GATA2: variants seen among roughly 807,000 people sequenced by gnomAD.
GATA2 encodes GATA binding protein 2.
A neutral mutation model predicts 35.7 loss-of-function variants in GATA2; 6 were observed. That is an observed-to-expected ratio of 0.17 (90% CI 0.09 to 0.33). GATA2 has a LOEUF of 0.33. Among genes scored for constraint, GATA2 ranks in the 10% least tolerant of loss-of-function variants. GATA2 has a pLI of 1.00. For missense variants in GATA2, 541 were observed against 656.6 expected (o/e 0.82, Z 1.92); for synonymous variants, 313 against 274.9 (o/e 1.14, Z -1.37).
Position 128,480,777 on chromosome 3 carries a change from T to G in GATA2, c.*242A>C. 1 of 511,922 alleles carries G rather than the reference T, an allele frequency of 2.0e-6. No homozygotes were observed. The highest frequency in any genetic ancestry group is 3.4e-6 in the Non-Finnish European group (1 of 292,424). 31.7% of individuals were successfully genotyped at this position (511,922 alleles called of 1,614,324 possible). On this transcript the variant is annotated 3_prime_UTR_variant, in exon 6 of 6. Transcript: ENST00000341105. The stretch of plus-strand genomic sequence containing the variant: ...CTCTACATAAAGTTGTCCTTGTTGT[T>G]CTCCAAACAACTGTCCATGCAGGAA...
Position 128,487,080 on chromosome 3 carries a change from C to A in GATA2, c.-45-4G>T, listed in dbSNP as rs1396755815. On this transcript the variant is annotated splice_region_variant and splice_polypyrimidine_tract_variant and intron_variant, in intron 1 of 5. Transcript: ENST00000341105. ...CTGGGTGCAGACGGCAACGGCCCTG[C>A]GCGAGGAAGGGGGAGTGAGGCGTGC... is the stretch of plus-strand genomic sequence containing the variant. The A allele has an allele frequency of 2.7e-6, 4 of 1,466,962 alleles. No homozygotes were observed. Among genetic ancestry groups the A allele is most frequent in the East Asian group, 2.5e-5 (1 of 40,400 alleles). The allele number at this position is 1,466,962 out of a possible 1,614,324, so 90.9% of individuals were successfully genotyped here. A position where few individuals can be genotyped will look rare whatever the true frequency, so the allele number is the denominator to read the frequency against.
At chr3:128,481,406 TCAAGCTGA>T in intron 5 of GATA2, 88 bp from the exon 6 acceptor site, 1 of 1,451,128 alleles carries the variant, frequency 6.9e-7, no homozygotes. Context: ...CAGAGGCAGG[TCAAGCTGA>T]GGGTCCCAGG....
intron 2 of GATA2, 53 bp from the exon 3 acceptor site, chr3:128,486,421 G>C: frequency 3.8e-6 from 6 of 1,568,006 alleles, no homozygotes; most frequent in Non-Finnish European, 5.1e-6. Context: ...AGGGTAGGCA[G>C]AGCTAGGGAC....
chr3:128,489,986 G>A (rs2068752437), intron 1 of GATA2: 1 of 152,262 alleles, frequency 6.6e-6, no homozygotes, highest in Admixed American at 6.5e-5. Flanking sequence ...GTGAACGCCA[G>A]GACCGAGCGG....
intron 2 of GATA2, among the ~76,000 whole-genome samples, 169 bp downstream of exon 2, chr3:128,486,634 G>C (rs1301209968): frequency 6.6e-6 from 1 of 152,152 alleles, no homozygotes; most frequent in East Asian, 1.9e-4. Context: ...AACCCTGTGG[G>C]TCCCAGACCC....
intron 1 of GATA2, chr3:128,487,936 A>G (rs1191164117): frequency 6.6e-6 from 1 of 152,232 alleles, no homozygotes; most frequent in Non-Finnish European, 1.5e-5. Context: ...ACAGACATGA[A>G]GCGGGGGCCG....
intron 2 of GATA2, 26 bp from the exon 3 acceptor site, chr3:128,486,394 G>A: frequency 6.3e-7 from 1 of 1,589,952 alleles, no homozygotes; most frequent in Non-Finnish European, 8.5e-7. Context: ...GAGAGGATCA[G>A]GGTGGGCAGA....
intron 1 of GATA2, among the ~76,000 whole-genome samples, chr3:128,487,395 C>T (rs146482870): frequency 3.6e-4 from 55 of 152,270 alleles, no homozygotes; most frequent in African/African-American, 1.1e-3. Flanking sequence ...CACACTGAGC[C>T]CCCCCGCCCG....
Position 128,481,091 on chromosome 3 carries a change from C to G in GATA2, c.1371G>C (p.Thr457=), listed in dbSNP as rs763539605. 2 of 1,610,310 alleles carry G rather than the reference C, an allele frequency of 1.2e-6. No homozygotes were observed. Among genetic ancestry groups the G allele is most frequent in the Non-Finnish European group, 1.7e-6 (2 of 1,177,474 alleles). Residue 457 remains threonine (T), a synonymous_variant, in exon 6 of 6, where the codon ACG becomes ACC. Coordinates refer to ENST00000341105, the MANE Select transcript of GATA2 (RefSeq NM_032638.5). The stretch of plus-strand genomic sequence containing the variant: ...AGAGGCTGGAGGAGGGGTGGATGGG[C>G]GTCGGAGTGGGCAGGATGTGTCCGG... ...SHSGHILPTP[T]PIHPSSSLSF...
intron 1 of GATA2, chr3:128,489,077 C>G (rs1359879530): frequency 6.6e-6 from 1 of 152,110 alleles, no homozygotes; most frequent in African/African-American, 2.4e-5. Flanking sequence ...GGGTCCCGGC[C>G]ACCCCCGGGA....
At chr3:128,487,933 T>A (rs1428042014) in intron 1 of GATA2, 3 of 152,194 alleles carry the variant, frequency 2.0e-5, no homozygotes, top group East Asian at 1.9e-4. Flanking sequence ...TGCACAGACA[T>A]GAAGCGGGGG....
At chr3:128,487,660 A>C (rs1307276576) in intron 1 of GATA2, 1 of 152,648 alleles carries the variant, frequency 6.6e-6, no homozygotes, top group Non-Finnish European at 1.5e-5. Context: ...GAGTCCCCTC[A>C]AAGCTAGGAG....
chr3:128,487,782 G>A (rs1221985804), intron 1 of GATA2: 1 of 152,402 alleles, frequency 6.6e-6, no homozygotes, highest in Non-Finnish European at 1.5e-5. Flanking sequence ...CCCCGAGGGC[G>A]ACGGGCCCAG....
At position 128,480,017 on chromosome 3, in the gene GATA2, C is replaced by A. The variant is rs977325610; in HGVS notation, c.*1002G>T. 7 of 232,958 alleles carry A rather than the reference C, an allele frequency of 3.0e-5. No individual in the cohort carries two copies. The South Asian group carries it at 1.1e-3, about 36-fold the overall frequency. The allele number at this position is 232,958 out of a possible 1,614,324, so 14.4% of individuals were successfully genotyped here. Reference sequence around the variant, plus strand: ...GGGCTGTGGGATCCCAGCTCTTTTCCAAAAAGAATTGCAAAGCTCCAACCT... The same window carrying A: ...GGGCTGTGGGATCCCAGCTCTTTTCAAAAAAGAATTGCAAAGCTCCAACCT... On this transcript the variant is annotated 3_prime_UTR_variant, in exon 6 of 6. Coordinates refer to ENST00000341105, the MANE Select transcript of GATA2 (RefSeq NM_032638.5).
rs1060500090 is a variant in GATA2 at position 128,485,843 on chromosome 3, T to C, written c.755A>G (p.Tyr252Cys). The C allele has an allele frequency of 3.1e-6, 5 of 1,613,668 alleles. No individual in the cohort carries two copies. In the African/African-American group the frequency reaches 6.7e-5, roughly 22 times the overall value. Residue 252 changes from tyrosine (Y) to cysteine (C), a missense_variant, in exon 3 of 6, where the codon TAT becomes TGT. This residue lies in a region of GATA2 where 389 missense variants were observed against 396.9 expected (regional missense o/e 0.98). Transcript: ENST00000341105. ...GTAGTCGTGGGCAGCCGCCGGCACA[T>C]AGGAGGGGTAGGTGGGGATGGGGTG... ...THHPIPTYPS[Y>C]VPAAAHDYSS...
chr3:128,486,603 G>A (rs2068703038), intron 2 of GATA2, among the ~76,000 whole-genome samples, 200 bp downstream of exon 2: 1 of 152,140 alleles, frequency 6.6e-6, no homozygotes, highest in Admixed American at 6.5e-5. Context: ...AACCCTCACA[G>A]GCCAGCTGGA....
rs909675639 is a variant in GATA2, at chr3:128,481,180, A to T, written c.1282T>A (p.Phe428Ile). 6.2e-7 allele frequency: 1 copy of T among 1,614,182 alleles called. No individual in the cohort carries two copies. Among genetic ancestry groups the T allele is most frequent in the Admixed American group, 1.7e-5 (1 of 60,034 alleles). ...SKCMQEKSSP[F>I]SAAALAGHMA... ...TGTCCAGCCAGGGCAGCTGCACTGA[A>T]GGGGGATGACTTCTCCTGCATGCAC... Residue 428 changes from phenylalanine (F) to isoleucine (I), a missense_variant, in exon 6 of 6, where the codon TTC becomes ATC. This residue lies in a region of GATA2 where 95 missense variants were observed against 114.0 expected (regional missense o/e 0.83). Transcript: ENST00000341105.
At chr3:128,491,157 C>T (rs1440578559) in intron 1 of GATA2, among the ~76,000 whole-genome samples, 1 of 151,094 alleles carries the variant, frequency 6.6e-6, no homozygotes, top group Non-Finnish European at 1.5e-5. Context: ...TCTACTAAGC[C>T]GCGGGTGCCA....
In GATA2 at chr3:128,481,456, C is replaced by T. The variant is rs574298967; in HGVS notation, c.1144-138G>A. The T allele has an allele frequency of 2.4e-5, 23 of 966,382 alleles. No homozygotes were observed. The Admixed American group carries it at 2.4e-4, about 10-fold the overall frequency. The allele number at this position is 966,382 out of a possible 1,614,324, so 59.9% of individuals were successfully genotyped here. A position where few individuals can be genotyped will look rare whatever the true frequency, so the allele number is the denominator to read the frequency against. ...GGAATTGTGCCCGACCTTCATAGTCCCATCACCAGATGGCTACCATTCCAG... is the reference window on the plus strand; with the variant it reads ...GGAATTGTGCCCGACCTTCATAGTCTCATCACCAGATGGCTACCATTCCAG... On this transcript the variant is annotated intron_variant, in intron 5 of 5. Transcript: ENST00000341105.
Sources: gnomAD v4.1 joint callset for allele counts (sites outside exome capture counted in the v4.1 genomes callset) on GRCh38, gnomAD v4.1.1 for gene constraint, gnomAD v4.1.1 regional missense constraint, MANE v1.5 for transcripts, NCBI Gene and HGNC (gene_info 2026-07-23, HGNC 2026-07-21) for gene names.